The following MTMR3 variants were observed in gnomAD, a reference collection of about 807,000 sequenced individuals.
The protein encoded by MTMR3 is phosphatidylinositol-3,5-bisphosphate 3-phosphatase MTMR3.
A neutral mutation model predicts 132.4 loss-of-function variants in MTMR3; 32 were observed. The ratio of observed to expected loss-of-function variants is 0.24; its 90% CI spans 0.18 to 0.32. The LOEUF (loss-of-function observed/expected upper bound fraction) is 0.32. MTMR3 is among the 10% of genes least tolerant of loss of function. The probability of loss-of-function intolerance (pLI) is 1.00; values close to 1 mark genes in which losing one functional copy is unlikely to be tolerated. For synonymous variants in MTMR3, 556 were observed against 550.3 expected (o/e 1.01, Z -0.14); for missense variants, 1,216 against 1,489.6 (o/e 0.82, Z 3.02).
chr22:29,950,934 C>T (rs927772426), intron 1 of MTMR3, among the ~76,000 whole-genome samples: 5 of 142,926 alleles, frequency 3.5e-5, no homozygotes, highest in South Asian at 2.1e-4. Context: ...AGGTGGATCA[C>T]GAGGTCAAGA....
At chr22:29,987,981 A>G (rs1326256065) in intron 5 of MTMR3, 1 of 152,602 alleles carries the variant, frequency 6.6e-6, no homozygotes, top group Non-Finnish European at 1.5e-5. Flanking sequence ...TTAGAACTCT[A>G]GTCTTTTTCA....
At position 29,890,922 on chromosome 22, in the gene MTMR3, G is replaced by A. The variant is rs181868378; in HGVS notation, c.-138+7563G>A. ...CCATCTACTTAGTTGGCTGAGGCAG[G>A]AGAATGTTTGAGGCCAGGAGTTCAA... On this transcript the variant is annotated intron_variant, in intron 1 of 19. Transcript: ENST00000401950. Among the ~76,000 whole-genome samples the A allele has an allele frequency of 4.7e-4, 71 of 152,192 alleles. 1 individual carries two copies. Among genetic ancestry groups the A allele is most frequent in the Non-Finnish European group, 7.4e-5 (5 of 68,008 alleles).
chr22:29,915,575 C>G (rs1046930599), intron 1 of MTMR3, among the ~76,000 whole-genome samples: 1 of 152,194 alleles, frequency 6.6e-6, no homozygotes, highest in African/African-American at 2.4e-5. Flanking sequence ...GCGCCTGCCA[C>G]CATGCCCGGC....
chr22:29,936,972 A>G (rs1475229193), intron 1 of MTMR3, among the ~76,000 whole-genome samples: 1 of 152,138 alleles, frequency 6.6e-6, no homozygotes, highest in African/African-American at 2.4e-5. Context: ...GGAGAATTTG[A>G]TTTGAGTTTT....
intron 1 of MTMR3, among the ~76,000 whole-genome samples, chr22:29,932,440 CAG>C (rs774037901): frequency 2.6e-5 from 4 of 152,064 alleles, no homozygotes; most frequent in Admixed American, 6.6e-5. Context: ...GGAAATTTAA[CAG>C]GGTACTAAAT....
At chr22:29,949,027 G>A (rs990215830) in intron 1 of MTMR3, among the ~76,000 whole-genome samples, 8 of 150,546 alleles carry the variant, frequency 5.3e-5, no homozygotes, top group African/African-American at 2.0e-4. Flanking sequence ...GAGCCTGAAA[G>A]GTTGATGCTG....
chr22:29,959,655 A>C (rs938166193), intron 2 of MTMR3, among the ~76,000 whole-genome samples: 2 of 152,190 alleles, frequency 1.3e-5, no homozygotes, highest in Admixed American at 6.5e-5. Context: ...CTGGGATTAC[A>C]GATGTGTGCC....
intron 1 of MTMR3, among the ~76,000 whole-genome samples, chr22:29,895,631 T>C (rs2064878577): frequency 6.6e-6 from 1 of 152,190 alleles, no homozygotes; most frequent in Non-Finnish European, 1.5e-5. Flanking sequence ...GGAGAAGAAT[T>C]GGACCCTTTC....
intron 1 of MTMR3, among the ~76,000 whole-genome samples, chr22:29,917,244 G>A (rs2145760609): frequency 6.6e-6 from 1 of 152,308 alleles, no homozygotes; most frequent in Admixed American, 6.5e-5. Context: ...TTGGGTCATT[G>A]TTTAGGACTA....
intron 3 of MTMR3, among the ~76,000 whole-genome samples, chr22:29,971,811 A>C (rs565019393): frequency 6.6e-6 from 1 of 152,322 alleles, no homozygotes; most frequent in South Asian, 2.1e-4. Flanking sequence ...AATCCTGAGG[A>C]AATGTAAACA....
At position 29,946,004 on chromosome 22, in the gene MTMR3, T is replaced by C. The variant is rs191272877; in HGVS notation, c.-137-11032T>C. Among the ~76,000 whole-genome samples, 41 of 117,100 alleles carry C rather than the reference T, an allele frequency of 3.5e-4. No homozygotes were observed. The East Asian group carries it at 0.011, about 32-fold the overall frequency. The allele number at this position is 117,100 out of a possible 152,430, so 76.8% of individuals were successfully genotyped here. ...GTTATAAATTCAATTGTAAAACTTG[T>C]GTGTGTGTGTATATATTTGTGTGTG... On this transcript the variant is annotated intron_variant, in intron 1 of 19. Transcript: ENST00000401950.
At chr22:29,897,145 T>C (rs906904633) in intron 1 of MTMR3, among the ~76,000 whole-genome samples, 9 of 151,828 alleles carry the variant, frequency 5.9e-5, no homozygotes, top group African/African-American at 1.5e-4. Flanking sequence ...AGTGGTGGAA[T>C]TGGCTCACTG....
At chr22:29,949,214 G>A (rs1047244102) in intron 1 of MTMR3, among the ~76,000 whole-genome samples, 13 of 146,068 alleles carry the variant, frequency 8.9e-5, no homozygotes, top group South Asian at 4.4e-4. Context: ...CGCGCCAGGC[G>A]TGGTGGCTCA....
intron 1 of MTMR3, among the ~76,000 whole-genome samples, chr22:29,915,409 T>G (rs542912217): frequency 4.6e-5 from 7 of 152,286 alleles, no homozygotes; most frequent in African/African-American, 1.7e-4. Context: ...AGGCTGACGG[T>G]CTCCTTCATT....
At chr22:29,910,849 G>T (rs539029632) in intron 1 of MTMR3, among the ~76,000 whole-genome samples, 110 of 151,998 alleles carry the variant, frequency 7.2e-4, no homozygotes, top group Non-Finnish European at 1.4e-3. Flanking sequence ...AGAAACCAGA[G>T]CATGTGTGAC....
intron 2 of MTMR3, among the ~76,000 whole-genome samples, chr22:29,964,255 A>G (rs531713126): frequency 2.0e-5 from 3 of 152,302 alleles, no homozygotes; most frequent in Admixed American, 6.5e-5. Context: ...TGGGGTTCAC[A>G]TTTTACAAGT....
At chr22:29,896,875 A>T (rs942657109) in intron 1 of MTMR3, among the ~76,000 whole-genome samples, 9 of 149,970 alleles carry the variant, frequency 6.0e-5, no homozygotes, top group East Asian at 2.0e-4. Flanking sequence ...TGTCTCACAC[A>T]CACACACACA....
chr22:30,016,849 C>A, intron 15 of MTMR3, 151 bp downstream of exon 15: 1 of 892,052 alleles, frequency 1.1e-6, no homozygotes, highest in Non-Finnish European at 1.7e-6. Flanking sequence ...TGATTCTGTC[C>A]TGAGGAAGGC....
intron 8 of MTMR3, chr22:30,000,789 G>A (rs1051664991): frequency 1.3e-5 from 2 of 152,248 alleles, no homozygotes; most frequent in Admixed American, 6.5e-5. Flanking sequence ...GCCTCAGAGA[G>A]CCTGTGGCTG....
Sources: allele counts gnomAD v4.1 joint callset (sites outside exome capture counted in the v4.1 genomes callset), GRCh38; gene constraint gnomAD v4.1.1; transcripts MANE v1.5; gene names NCBI Gene and HGNC (gene_info 2026-07-23, HGNC 2026-07-21).